Variants in HM13 observed in about 807,000 individuals in gnomAD.
HM13 encodes the protein signal peptide peptidase.
In HM13, 18 loss-of-function variants were observed where a neutral mutation model predicts 50.0. That is an observed-to-expected ratio of 0.36 (90% CI 0.25 to 0.53). HM13 has a LOEUF of 0.53. HM13 is among the 20% of genes least tolerant of loss of function. The probability of loss-of-function intolerance (pLI) is 0.90; values close to 1 mark genes in which losing one functional copy is unlikely to be tolerated. For synonymous variants in HM13, 197 were observed against 232.6 expected (o/e 0.85, Z 1.39); for missense variants, 393 against 552.4 (o/e 0.71, Z 2.89).
At chr20:31,516,610 A>C (rs1478200550) in intron 1 of HM13, among the ~76,000 whole-genome samples, 2 of 152,188 alleles carry the variant, frequency 1.3e-5, no homozygotes, top group Non-Finnish European at 2.9e-5. Context: ...AGCAAAAGAA[A>C]CCAGGTAAGC....
chr20:31,549,137 G>A (rs2122623903), intron 5 of HM13, 23 bp downstream of exon 5: 2 of 1,613,912 alleles, frequency 1.2e-6, no homozygotes, highest in Non-Finnish European at 8.5e-7. Flanking sequence ...GACCTGGGCA[G>A]AAGGGGAGGA....
chr20:31,566,864 C>T (rs1006459565), intron 11 of HM13, among the ~76,000 whole-genome samples: 1 of 152,116 alleles, frequency 6.6e-6, no homozygotes, highest in Non-Finnish European at 1.5e-5. Flanking sequence ...CACAGCCCCA[C>T]CCATACCGCA....
At chr20:31,518,471 C>T (rs1981939605) in intron 1 of HM13, among the ~76,000 whole-genome samples, 1 of 150,906 alleles carries the variant, frequency 6.6e-6, no homozygotes, top group Non-Finnish European at 1.5e-5. Context: ...CATGGTGAAG[C>T]CCCATCTCTA....
At chr20:31,552,053 C>G (rs1352312015) in intron 7 of HM13, among the ~76,000 whole-genome samples, 3 of 151,438 alleles carry the variant, frequency 2.0e-5, no homozygotes, top group Non-Finnish European at 4.4e-5. Context: ...ATTGGCAGCC[C>G]CCGAGAACCA....
chr20:31,557,897 G>T (rs894795312), intron 8 of HM13, among the ~76,000 whole-genome samples: 1 of 152,058 alleles, frequency 6.6e-6, no homozygotes, highest in Non-Finnish European at 1.5e-5. Context: ...AGTAGAGACG[G>T]GGTTGCACCA....
At chr20:31,566,123 C>A in intron 10 of HM13, 87 bp from the exon 11 acceptor site, 2 of 960,210 alleles carry the variant, frequency 2.1e-6, no homozygotes, top group Non-Finnish European at 3.2e-6. Flanking sequence ...TCCTTCAGTC[C>A]AGCCCAGAAG....
At chr20:31,543,129 C>T (rs73233650) in intron 3 of HM13, among the ~76,000 whole-genome samples, 2,496 of 152,342 alleles carry the variant, frequency 0.016, 77 homozygotes, top group African/African-American at 0.058. Context: ...CTGCCTCCCA[C>T]CGCCTCAGAA....
intron 10 of HM13, 54 bp from the exon 11 acceptor site, chr20:31,566,155 GC>G: frequency 7.1e-7 from 1 of 1,399,108 alleles, no homozygotes; most frequent in South Asian, 1.2e-5. Flanking sequence ...GCTGGGCACG[GC>G]CCTGAGGCAG....
chr20:31,536,905 T>C (rs187454237), intron 2 of HM13, among the ~76,000 whole-genome samples: 1 of 152,370 alleles, frequency 6.6e-6, no homozygotes, highest in East Asian at 1.9e-4. Flanking sequence ...TGTAACTGTT[T>C]CTTTCGAGAT....
chr20:31,521,749 C>A (rs1162896655), intron 1 of HM13, among the ~76,000 whole-genome samples: 1 of 141,972 alleles, frequency 7.0e-6, no homozygotes, highest in Non-Finnish European at 1.5e-5. Flanking sequence ...AAAAAAAGTA[C>A]CTGCTTTGTG....
In HM13 at chr20:31,522,861, GA is replaced by G. The variant is rs11167233; in HGVS notation, c.184-4613del. Among the ~76,000 whole-genome samples, 386 of 150,104 alleles carry G rather than the reference GA, an allele frequency of 2.6e-3. 3 individuals are homozygous for G. The highest frequency in any genetic ancestry group is 9.1e-3 in the African/African-American group (373 of 41,000). The stretch of plus-strand genomic sequence containing the variant: ...ACAGCTGAGGAAATTGAGGCTTAGA[GA>G]AAAAAAAAATCACTTTCCCAAGGTC... On this transcript the variant is annotated intron_variant, in intron 1 of 12. Coordinates refer to ENST00000398174, the MANE Select transcript of HM13 (RefSeq NM_178581.3).
chr20:31,556,195 C>T lies in HM13; in HGVS notation c.808+1366C>T, dbSNP rs142629608. ...CTGGGATTATAGGCATGCACCACCA[C>T]GCCCGGCTGATTTTGTATATTTAGT... On this transcript the variant is annotated intron_variant, in intron 8 of 12. Transcript: ENST00000398174. Among the ~76,000 whole-genome samples, 49 of 151,926 alleles carry T rather than the reference C, an allele frequency of 3.2e-4. No homozygotes were observed. The East Asian group carries it at 4.1e-3, about 13-fold the overall frequency.
intron 11 of HM13, 114 bp from the exon 12 acceptor site, chr20:31,567,964 T>C: frequency 1.1e-6 from 1 of 937,018 alleles, no homozygotes; most frequent in Non-Finnish European, 1.5e-6. Flanking sequence ...AGTGCAAAAA[T>C]AGGTAAAAAC....
rs1303134656 is a variant in HM13 at position 31,568,106 on chromosome 20, C to T, written c.1063C>T (p.His355Tyr). Reference sequence around the variant, plus strand: ...CGAGTCCTCGGCGGAAATCCTGCCTCATACCCCGAGGCTCACCCACTTCCC... The same window carrying T: ...CGAGTCCTCGGCGGAAATCCTGCCTTATACCCCGAGGCTCACCCACTTCCC... ...SYESSAEILP[H>Y]TPRLTHFPTV... The change falls in exon 12 of 13, where the codon CAT (histidine) becomes TAT (tyrosine). Residue 355 changes from histidine (H) to tyrosine (Y), a missense_variant. Around this residue, in one of 3 missense-constraint regions of HM13, gnomAD observed 105 missense variants for 115.9 expected, o/e 0.91. Transcript: ENST00000398174. 5 of 1,612,598 alleles carry T rather than the reference C, an allele frequency of 3.1e-6. No individual in the cohort carries two copies. The highest frequency in any genetic ancestry group is 4.2e-6 in the Non-Finnish European group (5 of 1,179,568).
Position 31,514,730 on chromosome 20 carries a change from G to A in HM13, c.179G>A (p.Gly60Asp), listed in dbSNP as rs1458094185. ...GALRSVRCAR[G>D]KNASDMPETI... ...CTGCGCTCCGTACGCTGCGCCCGCG[G>A]CAAGGTAGGGTCAGCGGGAAAACCG... The change falls in exon 1 of 13, where the codon GGC becomes GAC. Residue 60 changes from glycine (G) to aspartate (D), a missense_variant. Gly to Asp is a moderately conservative substitution (Grantham distance 94). Coordinates refer to ENST00000398174, the MANE Select transcript of HM13 (RefSeq NM_178581.3). The surrounding 1 kb of genome is among the most constrained non-coding windows in gnomAD (Gnocchi z 4.3). 6.5e-7 allele frequency: 1 copy of A among 1,531,140 alleles called. No individual in the cohort carries two copies. The highest frequency in any genetic ancestry group is 8.8e-7 in the Non-Finnish European group (1 of 1,139,646). 94.8% of individuals were successfully genotyped at this position (1,531,140 alleles called of 1,614,324 possible).
intron 2 of HM13, among the ~76,000 whole-genome samples, chr20:31,530,898 TTAGA>T (rs1360487313): frequency 6.6e-6 from 1 of 152,322 alleles, no homozygotes; most frequent in South Asian, 2.1e-4. Context: ...CCATTTGTAA[TTAGA>T]TAGTGCCAAA....
At chr20:31,548,790 G>T in intron 4 of HM13, 1 of 563,620 alleles carries the variant, frequency 1.8e-6, no homozygotes, top group Non-Finnish European at 3.2e-6. Flanking sequence ...ACTGTGCCAG[G>T]CTTGTAAGTC....
chr20:31,563,772 T>G lies in HM13; in HGVS notation c.948+2036T>G, dbSNP rs570645489. On this transcript the variant is annotated intron_variant, in intron 10 of 12. Coordinates refer to ENST00000398174, the MANE Select transcript of HM13 (RefSeq NM_178581.3). ...CTTTGTTCTCTGGCCAAGGGCTGGC[T>G]TTACGTTAAGAATGAAGTCTCCGGC... Among the ~76,000 whole-genome samples the G allele has an allele frequency of 2.6e-5, 4 of 152,276 alleles. No homozygotes were observed. In the East Asian group the frequency reaches 7.7e-4, roughly 29 times the overall value.
intron 10 of HM13, among the ~76,000 whole-genome samples, chr20:31,565,323 A>G (rs1487156756): frequency 2.0e-5 from 3 of 151,422 alleles, no homozygotes; most frequent in African/African-American, 4.9e-5. Flanking sequence ...TAGTAAAAAT[A>G]CAAAAATTAG....
Sources: gnomAD v4.1 joint callset for allele counts (sites outside exome capture counted in the v4.1 genomes callset) on GRCh38, gnomAD v4.1.1 for gene constraint, gnomAD v4.1.1 regional missense constraint, Gnocchi (gnomAD v3.1) non-coding constraint, MANE v1.5 for transcripts, NCBI Gene and HGNC (gene_info 2026-07-23, HGNC 2026-07-21) for gene names.